The following ILDR2 variants were observed in gnomAD, a reference collection of about 807,000 sequenced individuals.
ILDR2 encodes the protein immunoglobulin like domain containing receptor 2.
ILDR2 carries 25 observed loss-of-function variants against 66.8 expected under a neutral mutation model. That is an observed-to-expected ratio of 0.37 (90% CI 0.27 to 0.52). The LOEUF is 0.52. Among genes scored for constraint, ILDR2 ranks in the 20% least tolerant of loss-of-function variants. ILDR2 has a pLI of 0.88. For missense variants in ILDR2, 827 were observed against 876.8 expected, an observed-to-expected ratio of 0.94 and a Z score of 0.72; for synonymous variants, 367 against 357.2, an observed-to-expected ratio of 1.03 and a Z score of -0.31.
chr1:166,955,113 T>C (rs375215119), intron 3 of ILDR2, among the ~76,000 whole-genome samples: 2 of 152,224 alleles, frequency 1.3e-5, no homozygotes, highest in East Asian at 3.8e-4. Flanking sequence ...TCACAGCAGA[T>C]CCCAGATCTG....
intron 1 of ILDR2, among the ~76,000 whole-genome samples, chr1:166,965,854 T>C (rs1557958768): frequency 6.6e-6 from 1 of 152,062 alleles, no homozygotes; most frequent in Admixed American, 6.6e-5. Context: ...GTTGTCCCAA[T>C]TTCCTAAGAT....
chr1:166,921,879 T>C lies in ILDR2; in HGVS notation c.1212-500A>G, dbSNP rs1659968193. Among the ~76,000 whole-genome samples the C allele has an allele frequency of 1.3e-5, 2 of 152,138 alleles. No homozygotes were observed. The highest frequency in any genetic ancestry group is 1.3e-4 in the Admixed American group (2 of 15,280). Reference sequence around the variant, plus strand: ...TGCAATTTGTAAGGGAAAGGCAATGTTCACTGTCTTTTAAGGTAAAGGACA... The same window carrying C: ...TGCAATTTGTAAGGGAAAGGCAATGCTCACTGTCTTTTAAGGTAAAGGACA... On this transcript the variant is annotated intron_variant, in intron 8 of 9. Transcript: ENST00000271417. This position sits in a 1 kb window ranked among gnomAD's most constrained non-coding sequence, Gnocchi z 5.3.
At chr1:166,896,931 A>G (rs905587201) in intron 2 of ILDR2, among the ~76,000 whole-genome samples, 5 of 152,298 alleles carry the variant, frequency 3.3e-5, no homozygotes, top group African/African-American at 1.2e-4. Context: ...CACCATGCCC[A>G]GCCTACTTTT....
In ILDR2 at chr1:166,921,265, G is replaced by A; in HGVS notation, c.1326C>T (p.Arg442=). 6.3e-7 allele frequency: 1 copy of A among 1,599,032 alleles called. No individual in the cohort carries two copies. The highest frequency in any genetic ancestry group is 8.5e-7 in the Non-Finnish European group (1 of 1,175,374). ...AFADSYGQRP[R]RADGNSHEAR... is the part of the protein sequence containing the mutation. The stretch of plus-strand genomic sequence containing the variant: ...CCTCGTGACTGTTGCCGTCTGCCCG[G>A]CGGGGCCGCTGGCCGTAGGAGTCAG... The change falls in exon 9 of 10, where the codon CGC becomes CGT. Residue 442 remains arginine (R), a synonymous_variant. Transcript: ENST00000271417. This position sits in a 1 kb window ranked among gnomAD's most constrained non-coding sequence, Gnocchi z 5.3.
At chr1:166,958,358 G>A (rs747035290) in intron 1 of ILDR2, among the ~76,000 whole-genome samples, 5 of 152,146 alleles carry the variant, frequency 3.3e-5, no homozygotes, top group Non-Finnish European at 7.3e-5. Context: ...ACTGGATTAT[G>A]GGGGTGGGTT....
chr1:166,941,233 G>A (rs1400953535), intron 3 of ILDR2, among the ~76,000 whole-genome samples: 1 of 152,154 alleles, frequency 6.6e-6, no homozygotes, highest in Non-Finnish European at 1.5e-5. Flanking sequence ...CCTTCTTTCT[G>A]TCCCCCATCT....
At chr1:166,928,229 T>C (rs891524272) in intron 6 of ILDR2, among the ~76,000 whole-genome samples, 2 of 152,216 alleles carry the variant, frequency 1.3e-5, no homozygotes, top group Non-Finnish European at 2.9e-5. Flanking sequence ...AGTACTGTTA[T>C]CAGCCACATT....
At chr1:166,926,031 A>G (rs570740716) in intron 7 of ILDR2, among the ~76,000 whole-genome samples, 2 of 152,286 alleles carry the variant, frequency 1.3e-5, no homozygotes, top group South Asian at 2.1e-4. Flanking sequence ...TGGTCTTTTT[A>G]TAGTCGGTGT....
At position 166,934,217 on chromosome 1, in the gene ILDR2, A is replaced by G. The variant is rs189827734; in HGVS notation, c.880+1084T>C. ...GCCCCTCCACCTATACCTCCTACCT[A>G]CCCCTGCCTATAACCACAAATTAAT... On this transcript the variant is annotated intron_variant, in intron 6 of 9. Coordinates refer to ENST00000271417, the MANE Select transcript of ILDR2 (RefSeq NM_199351.3). Among the ~76,000 whole-genome samples, 1,318 of 151,526 alleles carry G rather than the reference A, an allele frequency of 8.7e-3. 29 individuals are homozygous for G. The highest frequency in any genetic ancestry group is 0.031 in the African/African-American group (1,266 of 41,244).
downstream of ILDR2, chr1:166,907,185 T>TGA (rs552814207): frequency 2.6e-5 from 4 of 152,160 alleles, no homozygotes; most frequent in East Asian, 7.7e-4. Context: ...TGAACTTCCT[T>TGA]GAGAGAGAGA....
At chr1:166,933,550 A>G in intron 6 of ILDR2, 1 of 983,696 alleles carries the variant, frequency 1.0e-6, no homozygotes, top group Non-Finnish European at 1.2e-6. Flanking sequence ...GTATGGCAGA[A>G]TGAGACCAAA....
At chr1:166,967,425 G>C (rs1366692400) in intron 1 of ILDR2, among the ~76,000 whole-genome samples, 1 of 152,188 alleles carries the variant, frequency 6.6e-6, no homozygotes, top group African/African-American at 2.4e-5. Flanking sequence ...AAACGGAGGG[G>C]GAAGGGAGGG....
At chr1:166,926,125 GAATAAA>G (rs1660264123) in intron 7 of ILDR2, among the ~76,000 whole-genome samples, 2 of 152,170 alleles carry the variant, frequency 1.3e-5, no homozygotes, top group African/African-American at 4.8e-5. Flanking sequence ...TCCTTAATCT[GAATAAA>G]GCTCTTCTAG....
At chr1:166,925,225 A>G (rs1660208748) in intron 7 of ILDR2, among the ~76,000 whole-genome samples, 1 of 152,132 alleles carries the variant, frequency 6.6e-6, no homozygotes, top group African/African-American at 2.4e-5. Context: ...CCAACCTGAA[A>G]CCATGAGATC....
At chr1:166,947,615 C>T (rs548804599) in intron 3 of ILDR2, among the ~76,000 whole-genome samples, 2 of 152,290 alleles carry the variant, frequency 1.3e-5, no homozygotes, top group Admixed American at 6.5e-5. Flanking sequence ...TTTCCAGGGG[C>T]TGAGCCAATT....
At position 166,909,750 on chromosome 1, in the gene ILDR2, T is replaced by TATATAA. The variant is rs1557921231; in HGVS notation, c.*9604_*9605insTTATAT. The TATATAA allele has an allele frequency of 9.7e-4, 105 of 107,956 alleles. 1 individual carries two copies. The highest frequency in any genetic ancestry group is 2.8e-3 in the African/African-American group (69 of 24,558). 6.7% of individuals were successfully genotyped at this position (107,956 alleles called of 1,614,324 possible). On this transcript the variant is annotated 3_prime_UTR_variant, in exon 10 of 10. Transcript: ENST00000271417. ...GTGTATACATACATATATATATATA[T>TATATAA]ATATATATAAATATATATAAATATA... is the stretch of plus-strand genomic sequence containing the variant.
chr1:166,942,464 T>C (rs1039465479), intron 3 of ILDR2, among the ~76,000 whole-genome samples: 9 of 152,222 alleles, frequency 5.9e-5, no homozygotes, highest in Non-Finnish European at 8.8e-5. Flanking sequence ...TATTTTTCAA[T>C]ATTTTCCAGG....
In ILDR2 at chr1:166,914,500, T is replaced by A. The variant is rs1245167688; in HGVS notation, c.*4855A>T. 1.3e-5 allele frequency: 2 copies of A among 152,232 alleles called. No individual in the cohort carries two copies. Among genetic ancestry groups the A allele is most frequent in the Non-Finnish European group, 2.9e-5 (2 of 68,030 alleles). The allele number at this position is 152,232 out of a possible 1,614,324, so 9.4% of individuals were successfully genotyped here. A position where few individuals can be genotyped will look rare whatever the true frequency, so the allele number is the denominator to read the frequency against. On this transcript the variant is annotated 3_prime_UTR_variant, in exon 10 of 10. Transcript: ENST00000271417. Reference sequence around the variant, plus strand: ...CATTCTATGTAATGAGACCACAACATCTGCCCTGCCTCTATCACAGCAGTT... The same window carrying A: ...CATTCTATGTAATGAGACCACAACAACTGCCCTGCCTCTATCACAGCAGTT...
chr1:166,932,259 T>C (rs1007495166), intron 6 of ILDR2, among the ~76,000 whole-genome samples: 47 of 152,236 alleles, frequency 3.1e-4, no homozygotes, highest in African/African-American at 9.9e-4. Flanking sequence ...CAGACAATCT[T>C]AGCAAGAGCT....
Sources: gnomAD v4.1 joint callset for allele counts (sites outside exome capture counted in the v4.1 genomes callset) on GRCh38, gnomAD v4.1.1 for gene constraint, Gnocchi (gnomAD v3.1) non-coding constraint, MANE v1.5 for transcripts, NCBI Gene and HGNC (gene_info 2026-07-23, HGNC 2026-07-21) for gene names.